KCNH5: variants seen among roughly 807,000 people sequenced by gnomAD.
KCNH5 encodes potassium voltage-gated channel subfamily H member 5.
Under a neutral mutation model 96.1 loss-of-function variants are expected in KCNH5, and 46 were observed. That is an observed-to-expected ratio of 0.48 (90% CI 0.38 to 0.61). The LOEUF is 0.61. Among genes scored for constraint, KCNH5 ranks in the 20% least tolerant of loss-of-function variants. The pLI, the probability that KCNH5 is intolerant of heterozygous loss-of-function variation, is 0.00. For synonymous variants in KCNH5, 439 were observed against 449.8 expected (o/e 0.98, Z 0.30); for missense variants, 907 against 1,225.8 (o/e 0.74, Z 3.88).
intron 7 of KCNH5, among the ~76,000 whole-genome samples, chr14:62,928,396 C>T (rs1889516327): frequency 6.6e-6 from 1 of 152,040 alleles, no homozygotes; most frequent in African/African-American, 2.4e-5. Flanking sequence ...TTATGACTGA[C>T]AATTAATGAG....
chr14:62,864,328 A>G (rs1006924857), intron 7 of KCNH5, among the ~76,000 whole-genome samples: 1 of 152,210 alleles, frequency 6.6e-6, no homozygotes, highest in African/African-American at 2.4e-5. Flanking sequence ...TCAATTTCCA[A>G]TTTGGAGAAT....
At chr14:63,018,666 C>T (rs187230873) in intron 1 of KCNH5, among the ~76,000 whole-genome samples, 6 of 152,006 alleles carry the variant, frequency 3.9e-5, no homozygotes, top group East Asian at 3.9e-4. Context: ...TAGACCAACA[C>T]GAAAAATAAT....
intron 7 of KCNH5, among the ~76,000 whole-genome samples, chr14:62,870,893 T>C (rs2140066059): frequency 6.6e-6 from 1 of 152,320 alleles, no homozygotes; most frequent in Non-Finnish European, 1.5e-5. Context: ...TAGTAAGTTA[T>C]GAAGTCAAGA....
intron 6 of KCNH5, among the ~76,000 whole-genome samples, chr14:62,966,992 C>T (rs1372835621): frequency 6.6e-6 from 1 of 152,114 alleles, no homozygotes; most frequent in East Asian, 1.9e-4. Context: ...TTCAACTCAG[C>T]TTTGTCTTTT....
chr14:62,863,057 A>T (rs1595660476), intron 7 of KCNH5, among the ~76,000 whole-genome samples: 5 of 152,120 alleles, frequency 3.3e-5, no homozygotes, highest in Admixed American at 3.3e-4. Flanking sequence ...GGGTCAAGAA[A>T]TTTTTCTTTC....
At chr14:62,709,689 T>C (rs765441634) in intron 10 of KCNH5, among the ~76,000 whole-genome samples, 4 of 152,074 alleles carry the variant, frequency 2.6e-5, no homozygotes, top group Non-Finnish European at 5.9e-5. Context: ...ATTTTGAAGA[T>C]AATAATGGGA....
chr14:62,935,099 C>T (rs903331383), intron 7 of KCNH5, among the ~76,000 whole-genome samples: 1 of 152,108 alleles, frequency 6.6e-6, no homozygotes, highest in African/African-American at 2.4e-5. Context: ...GGGAAGAGGT[C>T]CTAAACTAAG....
At chr14:62,777,512 C>A (rs188289016) in intron 10 of KCNH5, among the ~76,000 whole-genome samples, 28 of 152,302 alleles carry the variant, frequency 1.8e-4, no homozygotes, top group Admixed American at 1.6e-3. Context: ...TATTTTCTCA[C>A]CACTTATCTT....
chr14:62,962,674 T>C (rs1890235112), intron 6 of KCNH5, among the ~76,000 whole-genome samples: 1 of 152,160 alleles, frequency 6.6e-6, no homozygotes, highest in Non-Finnish European at 1.5e-5. Flanking sequence ...ATGTGGATAC[T>C]ATGGAAAGTT....
chr14:62,722,682 G>A (rs757759084), intron 10 of KCNH5, among the ~76,000 whole-genome samples: 7 of 152,078 alleles, frequency 4.6e-5, no homozygotes, highest in South Asian at 2.1e-4. Context: ...GGGACTCTTC[G>A]GTATGTATGT....
At chr14:62,945,326 C>T (rs987246994) in intron 7 of KCNH5, among the ~76,000 whole-genome samples, 2 of 152,106 alleles carry the variant, frequency 1.3e-5, no homozygotes, top group Non-Finnish European at 2.9e-5. Context: ...TGCAGGTGAG[C>T]TTACCAGGCC....
At chr14:62,937,975 C>CAGTCTA (rs1889716380) in intron 7 of KCNH5, among the ~76,000 whole-genome samples, 1 of 152,110 alleles carries the variant, frequency 6.6e-6, no homozygotes, top group South Asian at 2.1e-4. Flanking sequence ...CTCAACAGCC[C>CAGTCTA]AGTCTAAGAA....
intron 10 of KCNH5, among the ~76,000 whole-genome samples, chr14:62,763,921 C>G (rs568219926): frequency 6.6e-6 from 1 of 152,262 alleles, no homozygotes; most frequent in South Asian, 2.1e-4. Context: ...CAGCACTGGA[C>G]AAGACAGATT....
intron 7 of KCNH5, among the ~76,000 whole-genome samples, chr14:62,863,434 A>T (rs920411994): frequency 6.6e-6 from 1 of 152,198 alleles, no homozygotes; most frequent in African/African-American, 2.4e-5. Flanking sequence ...GCTAATCACA[A>T]GGTGAAAATT....
rs142829710 is a variant in KCNH5, at chr14:62,717,474, T to G, written c.2020-9019A>C. On this transcript the variant is annotated intron_variant, in intron 10 of 10. Transcript: ENST00000322893. ...TGGAATACAACTGAGAGTCCTGAAA[T>G]AAACCTATGCATCTATGGTCAACCG... Among the ~76,000 whole-genome samples, 40 of 152,316 alleles carry G rather than the reference T, an allele frequency of 2.6e-4. No homozygotes were observed. In the East Asian group the frequency reaches 6.2e-3, roughly 23 times the overall value.
At chr14:62,759,156 T>C (rs969538502) in intron 10 of KCNH5, among the ~76,000 whole-genome samples, 11 of 152,212 alleles carry the variant, frequency 7.2e-5, no homozygotes, top group African/African-American at 2.7e-4. Context: ...GTCTTTATTA[T>C]AGTCCTGGTC....
chr14:62,836,774 T>C (rs1311377420), intron 8 of KCNH5, among the ~76,000 whole-genome samples: 4 of 152,122 alleles, frequency 2.6e-5, no homozygotes, highest in Admixed American at 1.3e-4. Context: ...CTCTACTAGA[T>C]TGTAAGTTTC....
rs11849383 is a variant in KCNH5, at chr14:62,976,245, A to G, written c.942+4627T>C. Among the ~76,000 whole-genome samples the G allele has an allele frequency of 3.9e-3, 593 of 151,992 alleles. 5 individuals carry two copies. The highest frequency in any genetic ancestry group is 0.014 in the African/African-American group (577 of 41,462). ...GAAACCCTGTCTCTACTAAAAATAC[A>G]AAAATAAAATTAGCCAGGCATGGTG... On this transcript the variant is annotated intron_variant, in intron 6 of 10. Transcript: ENST00000322893.
rs540105230 is a variant in KCNH5, at chr14:62,849,972, A to G, written c.1370-120T>C. 10 of 765,174 alleles carry G rather than the reference A, an allele frequency of 1.3e-5. No homozygotes were observed. In the African/African-American group the frequency reaches 1.4e-4, roughly 11 times the overall value. The allele number at this position is 765,174 out of a possible 1,614,324, so 47.4% of individuals were successfully genotyped here. On this transcript the variant is annotated intron_variant, in intron 7 of 10. Coordinates refer to ENST00000322893, the MANE Select transcript of KCNH5 (RefSeq NM_139318.5). Reference sequence around the variant, plus strand: ...CTTATAAACTTGCAGGGGTAAATACATGTTGAACTCTGAGAAGACTGCCTG... The same window carrying G: ...CTTATAAACTTGCAGGGGTAAATACGTGTTGAACTCTGAGAAGACTGCCTG...
Sources: allele counts gnomAD v4.1 joint callset (sites outside exome capture counted in the v4.1 genomes callset), GRCh38; gene constraint gnomAD v4.1.1; transcripts MANE v1.5; gene names NCBI Gene and HGNC (gene_info 2026-07-23, HGNC 2026-07-21).